SOX5: variants seen among roughly 807,000 people sequenced by gnomAD.
SOX5 encodes the protein SRY-box transcription factor 5.
SOX5 carries 9 observed loss-of-function variants against 92.0 expected under a neutral mutation model. The ratio of observed to expected loss-of-function variants is 0.10; its 90% CI spans 0.06 to 0.17. The LOEUF (loss-of-function observed/expected upper bound fraction) is 0.17. SOX5 is among the 10% of genes least tolerant of loss of function. The pLI, the probability that SOX5 is intolerant of heterozygous loss-of-function variation, is 1.00. For missense variants in SOX5, 642 were observed against 944.5 expected, an observed-to-expected ratio of 0.68 and a Z score of 4.20; for synonymous variants, 344 against 336.3, an observed-to-expected ratio of 1.02 and a Z score of -0.25.
At chr12:23,715,809 CAAAAAAAAA>C (rs35450544) in intron 6 of SOX5, among the ~76,000 whole-genome samples, 1 of 72,822 alleles carries the variant, frequency 1.4e-5, no homozygotes, top group Non-Finnish European at 2.7e-5. Context: ...AGTAATTTCC[CAAAAAAAAA>C]AAAAAAAAAA....
intron 2 of SOX5, among the ~76,000 whole-genome samples, chr12:24,337,663 CT>C (rs1455570554): frequency 2.6e-5 from 4 of 152,074 alleles, no homozygotes; most frequent in Admixed American, 2.0e-4. Flanking sequence ...TTTTTTGCCT[CT>C]TTTAAGTTCG....
At chr12:23,580,430 G>A (rs143221964) in intron 9 of SOX5, among the ~76,000 whole-genome samples, 11 of 151,948 alleles carry the variant, frequency 7.2e-5, no homozygotes, top group Admixed American at 2.6e-4. Context: ...AAGTTAAGGC[G>A]CAAATTCACT....
intron 4 of SOX5, among the ~76,000 whole-genome samples, chr12:24,021,563 A>C (rs905497002): frequency 3.3e-5 from 5 of 152,176 alleles, no homozygotes; most frequent in Admixed American, 3.3e-4. Context: ...TCCTCAAATG[A>C]AATTGTAGCA....
At chr12:24,106,880 T>C (rs2138070804) in intron 4 of SOX5, among the ~76,000 whole-genome samples, 1 of 150,806 alleles carries the variant, frequency 6.6e-6, no homozygotes, top group South Asian at 2.1e-4. Context: ...TTCCAAAGGA[T>C]GAGAAATACC....
chr12:23,625,369 C>A lies in SOX5; in HGVS notation c.1017+15443G>T, dbSNP rs139575432. ...TGTTACGGTCTAAATGGAATCCTCT[C>A]TCTTTAAAGTTATTTGGCTTTATTA... On this transcript the variant is annotated intron_variant, in intron 8 of 14. Coordinates refer to ENST00000451604, the MANE Select transcript of SOX5 (RefSeq NM_006940.6). 5.7e-3 allele frequency among the ~76,000 whole-genome samples: 862 copies of A among 152,264 alleles called. 3 individuals are homozygous for A. The highest frequency in any genetic ancestry group is 8.1e-3 in the Non-Finnish European group (553 of 68,024).
chr12:23,905,487 C>T (rs1018222560), intron 1 of SOX5, among the ~76,000 whole-genome samples: 2 of 152,146 alleles, frequency 1.3e-5, no homozygotes, highest in African/African-American at 4.8e-5. Context: ...ACAAGTATAT[C>T]TGCCAGTTAA....
intron 7 of SOX5, among the ~76,000 whole-genome samples, chr12:23,661,102 C>G (rs1364546422): frequency 6.6e-6 from 1 of 152,096 alleles, no homozygotes; most frequent in African/African-American, 2.4e-5. Context: ...CAAGCCAGCT[C>G]TTTTATAATT....
At chr12:24,390,407 T>C (rs2136475914) in intron 1 of SOX5, among the ~76,000 whole-genome samples, 1 of 152,310 alleles carries the variant, frequency 6.6e-6, no homozygotes. Context: ...AACCTGTAAT[T>C]GACCAATGAA....
intron 1 of SOX5, among the ~76,000 whole-genome samples, chr12:24,487,829 C>T (rs1946668359): frequency 6.6e-6 from 1 of 152,114 alleles, no homozygotes; most frequent in Non-Finnish European, 1.5e-5. Flanking sequence ...CCATCAGGTT[C>T]ATAGTACCCA....
intron 4 of SOX5, among the ~76,000 whole-genome samples, chr12:24,150,315 T>G (rs1951526772): frequency 6.6e-6 from 1 of 152,164 alleles, no homozygotes; most frequent in Non-Finnish European, 1.5e-5. Flanking sequence ...AATAAATACT[T>G]TTGTAATGAA....
chr12:23,775,413 GTTGAAT>G (rs917508140), intron 3 of SOX5, among the ~76,000 whole-genome samples: 18 of 152,116 alleles, frequency 1.2e-4, no homozygotes, highest in Admixed American at 1.0e-3. Context: ...ACAACTGTCT[GTTGAAT>G]TTCAAAGACT....
intron 6 of SOX5, among the ~76,000 whole-genome samples, chr12:23,700,800 A>T (rs1195084295): frequency 6.6e-6 from 1 of 152,120 alleles, no homozygotes; most frequent in South Asian, 2.1e-4. Context: ...GACAGAGAAC[A>T]GCCCAAATGA....
At chr12:23,840,987 G>T (rs116808759) in intron 3 of SOX5, among the ~76,000 whole-genome samples, 178 of 152,200 alleles carry the variant, frequency 1.2e-3, no homozygotes, top group African/African-American at 4.2e-3. Context: ...TTAATAATTA[G>T]ATTTTATTAA....
chr12:24,018,683 G>A (rs1490492755), intron 4 of SOX5, among the ~76,000 whole-genome samples: 1 of 152,134 alleles, frequency 6.6e-6, no homozygotes, highest in African/African-American at 2.4e-5. Flanking sequence ...AATAATCCCA[G>A]TTACTCAGGA....
chr12:23,865,684 G>GA (rs1308620208), intron 2 of SOX5, among the ~76,000 whole-genome samples: 18 of 145,072 alleles, frequency 1.2e-4, no homozygotes, highest in African/African-American at 4.7e-4. Flanking sequence ...CAAAAAAAAC[G>GA]AAAAAAAATA....
chr12:24,172,727 G>A (rs1020187397), intron 4 of SOX5, among the ~76,000 whole-genome samples: 1 of 152,136 alleles, frequency 6.6e-6, no homozygotes, highest in Admixed American at 6.6e-5. Flanking sequence ...TGTCCCCACT[G>A]TGAAGAGGAT....
intron 1 of SOX5, among the ~76,000 whole-genome samples, chr12:24,509,049 A>T (rs985580570): frequency 2.0e-5 from 3 of 152,160 alleles, no homozygotes. Flanking sequence ...GAGGCAAATG[A>T]CCTACTTTGC....
chr12:24,208,471 A>G (rs1030319830), intron 4 of SOX5, among the ~76,000 whole-genome samples: 5 of 152,216 alleles, frequency 3.3e-5, no homozygotes, highest in Non-Finnish European at 5.9e-5. Flanking sequence ...CAAGAGGAAC[A>G]TAAGACACCA....
At chr12:24,147,830 A>C (rs930582698) in intron 4 of SOX5, among the ~76,000 whole-genome samples, 8 of 152,214 alleles carry the variant, frequency 5.3e-5, no homozygotes, top group African/African-American at 1.9e-4. Flanking sequence ...AAAAAACCTA[A>C]GGATTAATCT....
Sources: allele counts gnomAD v4.1 joint callset (sites outside exome capture counted in the v4.1 genomes callset), GRCh38; gene constraint gnomAD v4.1.1; transcripts MANE v1.5; gene names NCBI Gene and HGNC (gene_info 2026-07-23, HGNC 2026-07-21).